SOCS6: variants seen among roughly 807,000 people sequenced by gnomAD.
The protein encoded by SOCS6 is STAT induced STAT inhibitor-4.
A neutral mutation model predicts 27.7 loss-of-function variants in SOCS6; 5 were observed. The observed-to-expected ratio is 0.18, with a 90% confidence interval of 0.09 to 0.38. SOCS6 has a LOEUF of 0.38. Ranked by LOEUF, SOCS6 falls within the 10% of genes least tolerant of loss-of-function variation. The pLI is 1.00. For synonymous variants in SOCS6, 271 were observed against 260.0 expected (o/e 1.04, Z -0.41); for missense variants, 595 against 688.1 (o/e 0.86, Z 1.51).
rs146908691 is a variant in SOCS6 at position 70,304,181 on chromosome 18, C to T, written c.-127+15091C>T. On this transcript the variant is annotated intron_variant, in intron 1 of 1. Coordinates refer to ENST00000397942, the MANE Select transcript of SOCS6 (RefSeq NM_004232.4). ...AAAATAAAATGGAGAAACTTCTGAT[C>T]CTCAGGTACTAGAAAAAGAATAAAA... Among the ~76,000 whole-genome samples, 3 of 152,060 alleles carry T rather than the reference C, an allele frequency of 2.0e-5. No individual in the cohort carries two copies. The East Asian group carries it at 5.8e-4, about 29-fold the overall frequency.
At chr18:70,302,802 A>C (rs1264525453) in intron 1 of SOCS6, among the ~76,000 whole-genome samples, 1 of 152,180 alleles carries the variant, frequency 6.6e-6, no homozygotes, top group Non-Finnish European at 1.5e-5. Flanking sequence ...ATTTGCAAAA[A>C]GTTATTTTGA....
At chr18:70,290,665 T>C (rs1215990407) in intron 1 of SOCS6, among the ~76,000 whole-genome samples, 1 of 152,210 alleles carries the variant, frequency 6.6e-6, no homozygotes, top group African/African-American at 2.4e-5. Context: ...GTGGATTTGA[T>C]AAGGATTCCT....
intron 1 of SOCS6, among the ~76,000 whole-genome samples, chr18:70,308,812 G>A (rs1423814357): frequency 6.6e-6 from 1 of 152,054 alleles, no homozygotes; most frequent in Non-Finnish European, 1.5e-5. Context: ...ATTTTGAAAT[G>A]CCCCTTTTTG....
At chr18:70,302,445 C>T (rs898292183) in intron 1 of SOCS6, among the ~76,000 whole-genome samples, 2 of 152,104 alleles carry the variant, frequency 1.3e-5, no homozygotes, top group Admixed American at 6.6e-5. Flanking sequence ...GCATTAAGGA[C>T]CCACCTGCGG....
In SOCS6 at chr18:70,328,554, T is replaced by C. The variant is rs1911296749; in HGVS notation, c.*2278T>C. 6.0e-6 allele frequency: 1 copy of C among 167,018 alleles called. No homozygotes were observed. The allele number at this position is 167,018 out of a possible 1,614,324, so 10.3% of individuals were successfully genotyped here. A position where few individuals can be genotyped will look rare whatever the true frequency, so the allele number is the denominator to read the frequency against. The stretch of plus-strand genomic sequence containing the variant: ...GTGTTTTAGTGGAGGACAGTCTTGA[T>C]ACTGTTCTAATTCAGAAAGCCAAAT... On this transcript the variant is annotated 3_prime_UTR_variant, in exon 2 of 2. Coordinates refer to ENST00000397942, the MANE Select transcript of SOCS6 (RefSeq NM_004232.4).
intron 1 of SOCS6, among the ~76,000 whole-genome samples, chr18:70,300,852 T>G (rs1294967669): frequency 6.6e-6 from 1 of 152,234 alleles, no homozygotes; most frequent in Admixed American, 6.5e-5. Flanking sequence ...TTTAAGTTCA[T>G]TTTTCTCAAT....
At chr18:70,295,265 CT>C (rs2062318098) in intron 1 of SOCS6, among the ~76,000 whole-genome samples, 1 of 152,172 alleles carries the variant, frequency 6.6e-6, no homozygotes, top group African/African-American at 2.4e-5. Context: ...CAGTGTTAAT[CT>C]TTAGACAAGG....
At chr18:70,296,906 C>CTTTTTTTTTTTTTTTTTTCTTT (rs375704179) in intron 1 of SOCS6, among the ~76,000 whole-genome samples, 1 of 129,158 alleles carries the variant, frequency 7.7e-6, no homozygotes, top group Non-Finnish European at 1.6e-5. Flanking sequence ...CATTTTCTTT[C>CTTTTTTTTTTTTTTTTTTCTTT]TTTTTTTTTT....
chr18:70,317,525 T>G (rs2062417205), intron 1 of SOCS6, among the ~76,000 whole-genome samples: 1 of 402 alleles, frequency 2.5e-3, no homozygotes, highest in Non-Finnish European at 5.6e-3. Context: ...CATACATATA[T>G]ACGTATATAT....
chr18:70,304,769 A>T (rs908010689), intron 1 of SOCS6, among the ~76,000 whole-genome samples: 18 of 152,144 alleles, frequency 1.2e-4, no homozygotes, highest in Non-Finnish European at 2.5e-4. Flanking sequence ...GTTTGTTTTG[A>T]AACACAAACA....
At position 70,324,715 on chromosome 18, in the gene SOCS6, A is replaced by G. The variant is rs749694019; in HGVS notation, c.47A>G (p.Asn16Ser). 4.4e-6 allele frequency: 7 copies of G among 1,606,386 alleles called. No individual in the cohort carries two copies. The South Asian group carries it at 6.7e-5, about 15-fold the overall frequency. ...ACCTTACGGAAATCTTTTAACTTGAATAAAAGTAAAGAAGAAACTGATTTC... is the reference window on the plus strand; with the variant it reads ...ACCTTACGGAAATCTTTTAACTTGAGTAAAAGTAAAGAAGAAACTGATTTC... ...LKTLRKSFNL[N>S]KSKEETDFMV... is the part of the protein sequence containing the mutation. The change falls in exon 2 of 2, where the codon AAT (asparagine) becomes AGT (serine). Residue 16 changes from asparagine (N) to serine (S), a missense_variant. Asn to Ser is a conservative substitution (Grantham distance 46, BLOSUM62 1). Around this residue, in one of 2 missense-constraint regions of SOCS6, gnomAD observed 467 missense variants for 481.1 expected, o/e 0.97. Coordinates refer to ENST00000397942, the MANE Select transcript of SOCS6 (RefSeq NM_004232.4).
chr18:70,310,728 A>G (rs1033750077), intron 1 of SOCS6, among the ~76,000 whole-genome samples: 8 of 152,040 alleles, frequency 5.3e-5, no homozygotes, highest in Admixed American at 2.0e-4. Context: ...AGTAGTTGCA[A>G]TGTGGACTCT....
At chr18:70,300,392 G>C (rs575186010) in intron 1 of SOCS6, among the ~76,000 whole-genome samples, 4 of 152,254 alleles carry the variant, frequency 2.6e-5, no homozygotes, top group South Asian at 2.1e-4. Flanking sequence ...GCCTCCCAAA[G>C]TGCTGGGATT....
intron 1 of SOCS6, among the ~76,000 whole-genome samples, chr18:70,295,402 G>A (rs757347915): frequency 6.6e-6 from 1 of 152,176 alleles, no homozygotes; most frequent in Non-Finnish European, 1.5e-5. Context: ...AAGCAGCTGG[G>A]TTAGCATGCT....
chr18:70,325,545 AC>A lies in SOCS6; in HGVS notation c.878del (p.Thr293ArgfsTer52). The A allele has an allele frequency of 6.2e-7, 1 of 1,614,158 alleles. No homozygotes were observed. The highest frequency in any genetic ancestry group is 8.5e-7 in the Non-Finnish European group (1 of 1,180,038). ...QSVNGLLIGTTGVMLQSPRAG... is the reference protein window; with the variant it reads ...QSVNGLLIGTXGVMLQSPRAG... ...CGTGAATGGCTTGTTGATTGGCACC[AC>A]GGGAGTCATGTTGCAGAGCCCGAGA... On this transcript the variant is annotated frameshift_variant, in exon 2 of 2. Coordinates refer to ENST00000397942, the MANE Select transcript of SOCS6 (RefSeq NM_004232.4). LOFTEE classifies it high-confidence loss of function. The surrounding 1 kb of genome is among the most constrained non-coding windows in gnomAD (Gnocchi z 6.3).
intron 1 of SOCS6, among the ~76,000 whole-genome samples, chr18:70,304,372 A>G (rs957205548): frequency 1.1e-4 from 16 of 144,884 alleles, no homozygotes; most frequent in Non-Finnish European, 2.5e-4. Context: ...GCTTTCCTGC[A>G]ATCGGGGAAA....
chr18:70,309,991 T>C (rs2062384091), intron 1 of SOCS6, among the ~76,000 whole-genome samples: 1 of 152,226 alleles, frequency 6.6e-6, no homozygotes, highest in Admixed American at 6.5e-5. Context: ...CAGCCTGTGC[T>C]ATTATTTACA....
At chr18:70,296,946 T>A (rs948308057) in intron 1 of SOCS6, among the ~76,000 whole-genome samples, 1 of 149,450 alleles carries the variant, frequency 6.7e-6, no homozygotes, top group African/African-American at 2.4e-5. Context: ...TCATTGGACA[T>A]AGGAACTCCT....
chr18:70,309,143 T>C (rs2062380427), intron 1 of SOCS6, among the ~76,000 whole-genome samples: 1 of 152,254 alleles, frequency 6.6e-6, no homozygotes, highest in South Asian at 2.1e-4. Flanking sequence ...ATAAAAGATA[T>C]GTAACAAAGT....
Sources: allele counts gnomAD v4.1 joint callset (sites outside exome capture counted in the v4.1 genomes callset), GRCh38; gene constraint gnomAD v4.1.1; regional missense constraint gnomAD v4.1.1; non-coding constraint Gnocchi (gnomAD v3.1); transcripts MANE v1.5; gene names NCBI Gene and HGNC (gene_info 2026-07-23, HGNC 2026-07-21).